OSBPL6: variants seen among roughly 807,000 people sequenced by gnomAD.
OSBPL6 encodes oxysterol binding protein like 6, also known as oxysterol-binding protein-related protein 6.
A neutral mutation model predicts 125.8 loss-of-function variants in OSBPL6; 49 were observed. The ratio of observed to expected loss-of-function variants is 0.39; its 90% CI spans 0.31 to 0.49. The LOEUF (loss-of-function observed/expected upper bound fraction) is 0.49. OSBPL6 is among the 20% of genes least tolerant of loss of function. The pLI is 0.88. For synonymous variants in OSBPL6, 394 were observed against 391.8 expected, an observed-to-expected ratio of 1.01 and a Z score of -0.07; for missense variants, 986 against 1,135.4, an observed-to-expected ratio of 0.87 and a Z score of 1.89.
intron 11 of OSBPL6, among the ~76,000 whole-genome samples, chr2:178,345,238 C>T (rs1468245695): frequency 6.6e-6 from 1 of 152,116 alleles, no homozygotes. Flanking sequence ...GATAATATTT[C>T]CTTAATTAAC....
rs150812423 is a variant in OSBPL6, at chr2:178,320,974, A to T, written c.103-3203A>T. Among the ~76,000 whole-genome samples, 393 of 152,250 alleles carry T rather than the reference A, an allele frequency of 2.6e-3. 2 individuals are homozygous for T. The highest frequency in any genetic ancestry group is 0.01 in the Middle Eastern group (3 of 294). ...AGAGATCGAGACCATCCTGGCCAAC[A>T]TTGTGAAACCCCGTCTCTACTAAAA... On this transcript the variant is annotated intron_variant, in intron 3 of 24. Coordinates refer to ENST00000190611, the MANE Select transcript of OSBPL6 (RefSeq NM_032523.4).
At chr2:178,288,136 T>C (rs1182507548) in intron 2 of OSBPL6, among the ~76,000 whole-genome samples, 12 of 152,072 alleles carry the variant, frequency 7.9e-5, no homozygotes, top group Non-Finnish European at 1.2e-4. Flanking sequence ...ATGGAGAGAA[T>C]AGCAAGCAGG....
At chr2:178,330,252 T>C (rs191880029) in intron 5 of OSBPL6, among the ~76,000 whole-genome samples, 70 of 152,288 alleles carry the variant, frequency 4.6e-4, no homozygotes, top group African/African-American at 1.6e-3. Flanking sequence ...AGAAACAAAT[T>C]TTGTATGAAT....
rs149600028 is a variant in OSBPL6 at position 178,266,238 on chromosome 2, C to T, written c.-350-18689C>T. On this transcript the variant is annotated intron_variant, in intron 1 of 24. Coordinates refer to ENST00000190611, the MANE Select transcript of OSBPL6 (RefSeq NM_032523.4). The stretch of plus-strand genomic sequence containing the variant: ...ATCGCAAGAAGACCACAGTGAGCCC[C>T]GTGAACTATTGGAGCCCCATATATG... Among the ~76,000 whole-genome samples the T allele has an allele frequency of 5.6e-3, 859 of 152,240 alleles. 13 individuals are homozygous for T. Among genetic ancestry groups the T allele is most frequent in the African/African-American group, 0.02 (815 of 41,532 alleles).
chr2:178,302,901 G>T lies in OSBPL6; in HGVS notation c.-155-3129G>T, dbSNP rs1026945585. On this transcript the variant is annotated intron_variant, in intron 2 of 24. Transcript: ENST00000190611. ...AAATGGATTTCAGTTTAATGAGTTA[G>T]GTTGTTACAACCTCATCCCTTGGAA... is the stretch of plus-strand genomic sequence containing the variant. Among the ~76,000 whole-genome samples, 7 of 152,292 alleles carry T rather than the reference G, an allele frequency of 4.6e-5. No individual in the cohort carries two copies. The South Asian group carries it at 1.4e-3, about 32-fold the overall frequency.
chr2:178,239,600 A>ATTTT (rs1413220948), intron 1 of OSBPL6, among the ~76,000 whole-genome samples: 1 of 124,600 alleles, frequency 8.0e-6, no homozygotes, highest in Non-Finnish European at 1.6e-5. Context: ...TATTTTATTT[A>ATTTT]TTTATTTATT....
At chr2:178,320,459 A>G (rs1156587068) in intron 3 of OSBPL6, 2 of 1,531,418 alleles carry the variant, frequency 1.3e-6, no homozygotes, top group African/African-American at 2.8e-5. Flanking sequence ...TGACCTGGAA[A>G]TTAACTTATA....
chr2:178,260,952 C>T (rs1173467118), intron 1 of OSBPL6, among the ~76,000 whole-genome samples: 1 of 152,024 alleles, frequency 6.6e-6, no homozygotes, highest in Non-Finnish European at 1.5e-5. Context: ...GCCAACATGG[C>T]AAAACTCCAT....
intron 1 of OSBPL6, among the ~76,000 whole-genome samples, chr2:178,198,547 G>C (rs2089042468): frequency 6.6e-6 from 1 of 150,978 alleles, no homozygotes; most frequent in Non-Finnish European, 1.5e-5. Flanking sequence ...TCTGACCCAG[G>C]AGGCAGATGT....
rs575618310 is a variant in OSBPL6 at position 178,215,638 on chromosome 2, C to T, written c.-351+20964C>T. 6.0e-4 allele frequency among the ~76,000 whole-genome samples: 91 copies of T among 151,848 alleles called. 1 individual carries two copies. The highest frequency in any genetic ancestry group is 2.0e-3 in the Admixed American group (30 of 15,258). ...GAAGAAGCCCTCTCTCGGGGAGTGTCGTGTTCCTGTGATTTAGGGAGAGGA... is the reference window on the plus strand; with the variant it reads ...GAAGAAGCCCTCTCTCGGGGAGTGTTGTGTTCCTGTGATTTAGGGAGAGGA... On this transcript the variant is annotated intron_variant, in intron 1 of 24. Transcript: ENST00000190611.
At chr2:178,226,804 CT>C (rs2090583976) in intron 1 of OSBPL6, among the ~76,000 whole-genome samples, 1 of 152,094 alleles carries the variant, frequency 6.6e-6, no homozygotes, top group Non-Finnish European at 1.5e-5. Context: ...TTCTTTAAGA[CT>C]TTTAGTCTTC....
chr2:178,376,895 A>G (rs376962072), intron 15 of OSBPL6, among the ~76,000 whole-genome samples: 75 of 152,306 alleles, frequency 4.9e-4, no homozygotes, highest in African/African-American at 1.8e-3. Context: ...ACAGGTTTTC[A>G]TAAAATAACT....
intron 13 of OSBPL6, among the ~76,000 whole-genome samples, chr2:178,364,120 C>A (rs116016674): frequency 6.4e-4 from 98 of 152,152 alleles, no homozygotes; most frequent in African/African-American, 2.3e-3. Flanking sequence ...ATGGTTAGGC[C>A]GTTGGAGAGG....
chr2:178,218,837 C>T (rs933243350), intron 1 of OSBPL6, among the ~76,000 whole-genome samples: 1 of 151,960 alleles, frequency 6.6e-6, no homozygotes. Flanking sequence ...GTCATGTTGT[C>T]CAGGCTAGTC....
In OSBPL6 at chr2:178,306,097, G is replaced by A; in HGVS notation, c.-88G>A. 1 of 845,926 alleles carries A rather than the reference G, an allele frequency of 1.2e-6. No homozygotes were observed. Among genetic ancestry groups the A allele is most frequent in the Non-Finnish European group, 2.0e-6 (1 of 506,070 alleles). 52.4% of individuals were successfully genotyped at this position (845,926 alleles called of 1,614,324 possible). A position where few individuals can be genotyped will look rare whatever the true frequency, so the allele number is the denominator to read the frequency against. On this transcript the variant is annotated 5_prime_UTR_variant, in exon 3 of 25. Coordinates refer to ENST00000190611, the MANE Select transcript of OSBPL6 (RefSeq NM_032523.4). ...AACCTGATTCATGAAATGGAATGAAGCTGAAAAATCATCTACTTCTTTGTT... is the reference window on the plus strand; with the variant it reads ...AACCTGATTCATGAAATGGAATGAAACTGAAAAATCATCTACTTCTTTGTT...
intron 2 of OSBPL6, among the ~76,000 whole-genome samples, chr2:178,294,880 T>G (rs1157740523): frequency 6.6e-6 from 1 of 151,762 alleles, no homozygotes; most frequent in Non-Finnish European, 1.5e-5. Context: ...TTTTTTTTTT[T>G]TTTGTGGTGA....
intron 11 of OSBPL6, among the ~76,000 whole-genome samples, chr2:178,348,797 C>T (rs540025058): frequency 2.0e-5 from 3 of 152,304 alleles, no homozygotes; most frequent in Admixed American, 6.5e-5. Flanking sequence ...CCAGTATATG[C>T]ATCTCTTGAA....
chr2:178,312,165 T>A (rs894010719), intron 3 of OSBPL6, among the ~76,000 whole-genome samples: 2 of 148,444 alleles, frequency 1.3e-5, no homozygotes, highest in African/African-American at 5.0e-5. Context: ...TAATTTTTTT[T>A]TTTTTTTTTT....
chr2:178,391,024 G>T (rs781195214), intron 21 of OSBPL6, 49 bp from the exon 22 acceptor site: 4 of 1,596,830 alleles, frequency 2.5e-6, no homozygotes, highest in Admixed American at 1.8e-5. Flanking sequence ...TACAGGGAAT[G>T]ATGTTATTAA....
Sources: gnomAD v4.1 joint callset for allele counts (sites outside exome capture counted in the v4.1 genomes callset) on GRCh38, gnomAD v4.1.1 for gene constraint, MANE v1.5 for transcripts, NCBI Gene and HGNC (gene_info 2026-07-23, HGNC 2026-07-21) for gene names.